Variants in NUP210L observed in about 807,000 individuals in gnomAD.
NUP210L encodes the protein nucleoporin 210 like, also known as nuclear pore membrane glycoprotein 210-like.
A neutral mutation model predicts 208.5 loss-of-function variants in NUP210L; 74 were observed. The observed-to-expected ratio is 0.35, with a 90% CI of 0.29 to 0.43. The LOEUF is 0.43. Among genes scored for constraint, NUP210L ranks in the 20% least tolerant of loss-of-function variants. The pLI is 1.00. For synonymous variants in NUP210L, 780 were observed against 816.9 expected, an observed-to-expected ratio of 0.95 and a Z score of 0.77; for missense variants, 1,843 against 2,289.4, an observed-to-expected ratio of 0.81 and a Z score of 3.98.
intron 33 of NUP210L, among the ~76,000 whole-genome samples, chr1:154,017,940 T>C (rs1651351613): frequency 6.6e-6 from 1 of 152,036 alleles, no homozygotes; most frequent in Non-Finnish European, 1.5e-5. Flanking sequence ...ATTGAAGTGC[T>C]CCCAGAACTT....
chr1:154,021,900 C>G (rs1466941935), intron 32 of NUP210L, among the ~76,000 whole-genome samples: 4 of 151,944 alleles, frequency 2.6e-5, no homozygotes, highest in Admixed American at 1.3e-4. Flanking sequence ...TCAGAGAGTC[C>G]CTCAGATTTT....
intron 14 of NUP210L, among the ~76,000 whole-genome samples, chr1:154,095,387 A>T (rs541899528): frequency 6.6e-6 from 1 of 152,314 alleles, no homozygotes; most frequent in Admixed American, 6.5e-5. Context: ...GTGTCCAGTC[A>T]TTCTAGACCA....
chr1:154,126,517 G>T, intron 9 of NUP210L, 54 bp from the exon 10 acceptor site: 2 of 1,481,236 alleles, frequency 1.4e-6, no homozygotes, highest in Admixed American at 2.1e-5. Context: ...TTTCCCTGAA[G>T]TCATCTTAAT....
chr1:154,122,361 T>A (rs1239767751), intron 10 of NUP210L, among the ~76,000 whole-genome samples: 1 of 152,132 alleles, frequency 6.6e-6, no homozygotes, highest in Non-Finnish European at 1.5e-5. Context: ...TGGCTATTAT[T>A]TAAAAACAAA....
chr1:154,128,215 G>T (rs1162958201), intron 8 of NUP210L, among the ~76,000 whole-genome samples: 1 of 152,182 alleles, frequency 6.6e-6, no homozygotes, highest in Admixed American at 6.5e-5. Context: ...GCTTGGCCTG[G>T]TGGCTCATGC....
At chr1:154,058,365 T>G (rs550872720) in intron 21 of NUP210L, 149 bp from the exon 22 acceptor site, 27 of 1,067,208 alleles carry the variant, frequency 2.5e-5, no homozygotes, top group Non-Finnish European at 3.2e-5. Flanking sequence ...ATGTGTATTG[T>G]TTTAAGTTGG....
intron 33 of NUP210L, among the ~76,000 whole-genome samples, chr1:154,015,802 A>G (rs541455093): frequency 6.6e-6 from 1 of 151,358 alleles, no homozygotes; most frequent in Admixed American, 6.6e-5. Context: ...CCAGCTACTC[A>G]GGAGACTGAG....
intron 16 of NUP210L, among the ~76,000 whole-genome samples, chr1:154,075,574 C>T (rs918885368): frequency 3.3e-5 from 5 of 151,504 alleles, no homozygotes; most frequent in African/African-American, 9.7e-5. Flanking sequence ...ATGTTCTCAG[C>T]AAAAACAAAA....
Position 154,013,444 on chromosome 1 carries a change from C to T in NUP210L, c.4654-1074G>A, listed in dbSNP as rs184217355. On this transcript the variant is annotated intron_variant, in intron 33 of 39. Coordinates refer to ENST00000368559, the Ensembl canonical transcript of NUP210L. ...CAAAAATTAGCCAGGCATGTTGGAG[C>T]GTGCCTGTAATCCCAGCTACCAGGG... is the stretch of plus-strand genomic sequence containing the variant. Among the ~76,000 whole-genome samples, 21 of 152,042 alleles carry T rather than the reference C, an allele frequency of 1.4e-4. No individual in the cohort carries two copies. In the East Asian group the frequency reaches 3.9e-3, roughly 28 times the overall value.
intron 6 of NUP210L, 60 bp from the exon 7 acceptor site, chr1:154,136,032 G>T: frequency 8.8e-7 from 1 of 1,138,426 alleles, no homozygotes; most frequent in Non-Finnish European, 1.3e-6. Flanking sequence ...AGATAATGAT[G>T]TATTCTTGAT....
intron 12 of NUP210L, among the ~76,000 whole-genome samples, chr1:154,107,167 A>C (rs1420362492): frequency 1.3e-5 from 2 of 152,164 alleles, no homozygotes; most frequent in Non-Finnish European, 2.9e-5. Context: ...TATTGAAATA[A>C]TTTTAAAAAG....
intron 13 of NUP210L, 126 bp from the exon 14 acceptor site, chr1:154,100,269 G>A (rs1656391793): frequency 1.4e-6 from 1 of 737,762 alleles, no homozygotes; most frequent in African/African-American, 1.8e-5. Context: ...GAAAAACATG[G>A]TGAAACCCCG....
chr1:154,101,001 C>T (rs1035368039), intron 13 of NUP210L, among the ~76,000 whole-genome samples: 27 of 151,542 alleles, frequency 1.8e-4, no homozygotes, highest in African/African-American at 6.3e-4. Flanking sequence ...GGAGAAATCC[C>T]GTCTCTACTA....
At chr1:154,082,717 G>T (rs756135401) in intron 16 of NUP210L, among the ~76,000 whole-genome samples, 13 of 152,268 alleles carry the variant, frequency 8.5e-5, no homozygotes, top group Non-Finnish European at 1.6e-4. Flanking sequence ...GGTCAGAAAC[G>T]GAGTTTGTTC....
At chr1:154,048,634 T>C (rs1170473980) in intron 25 of NUP210L, among the ~76,000 whole-genome samples, 1 of 152,148 alleles carries the variant, frequency 6.6e-6, no homozygotes, top group Admixed American at 6.5e-5. Flanking sequence ...CCCTGTACAA[T>C]GTCTGTCCCC....
chr1:154,050,903 A>G (rs539731794), intron 25 of NUP210L, among the ~76,000 whole-genome samples: 16 of 152,360 alleles, frequency 1.1e-4, no homozygotes, highest in African/African-American at 3.8e-4. Flanking sequence ...CCTATACTTC[A>G]GCTCAAAAAG....
Position 154,112,074 on chromosome 1 carries a change from C to T in NUP210L, c.1620+5651G>A, listed in dbSNP as rs540456940. Among the ~76,000 whole-genome samples, 156 of 151,330 alleles carry T rather than the reference C, an allele frequency of 1.0e-3. 2 individuals carry two copies. Among genetic ancestry groups the T allele is most frequent in the Non-Finnish European group, 1.9e-3 (126 of 68,020 alleles). ...TCCCGAGTAGCTGGGACTATAGGTG[C>T]GCACCACCATGCCTGACTAATTTTT... is the stretch of plus-strand genomic sequence containing the variant. On this transcript the variant is annotated intron_variant, in intron 12 of 39. Transcript: ENST00000368559.
intron 38 of NUP210L, among the ~76,000 whole-genome samples, chr1:153,993,663 A>G (rs529829076): frequency 7.3e-5 from 11 of 151,392 alleles, no homozygotes; most frequent in Non-Finnish European, 1.5e-4. Flanking sequence ...CTGTAATCCC[A>G]GCACTTTGGG....
At chr1:154,060,770 T>C in intron 19 of NUP210L, 129 bp from the exon 20 acceptor site, 1 of 763,466 alleles carries the variant, frequency 1.3e-6, no homozygotes. Flanking sequence ...AAAGACAAAA[T>C]ACAATTATTA....
Sources: gnomAD v4.1 joint callset for allele counts (sites outside exome capture counted in the v4.1 genomes callset) on GRCh38, gnomAD v4.1.1 for gene constraint, MANE v1.5 for transcripts, NCBI Gene and HGNC (gene_info 2026-07-23, HGNC 2026-07-21) for gene names.